PPWD1: variants seen among roughly 807,000 people sequenced by gnomAD.
The protein encoded by PPWD1 is peptidylprolyl isomerase domain and WD repeat-containing protein 1.
Under a neutral mutation model 68.8 loss-of-function variants are expected in PPWD1, and 43 were observed. The ratio of observed to expected loss-of-function variants is 0.62; its 90% confidence interval spans 0.49 to 0.81. PPWD1 has a LOEUF of 0.81. PPWD1 is among the 30% of genes least tolerant of loss of function. The probability of loss-of-function intolerance (pLI) is 0.00; values close to 1 mark genes in which losing one functional copy is unlikely to be tolerated. For synonymous variants in PPWD1, 232 were observed against 258.7 expected (o/e 0.90, Z 0.99); for missense variants, 672 against 804.8 (o/e 0.83, Z 2.00).
intron 1 of PPWD1, among the ~76,000 whole-genome samples, chr5:65,567,212 T>C (rs1157928526): frequency 2.6e-5 from 4 of 152,092 alleles, no homozygotes; most frequent in African/African-American, 9.7e-5. Context: ...TCTTTTTTTT[T>C]AATAGAACAT....
chr5:65,585,977 T>A lies in PPWD1; in HGVS notation c.1615-22T>A, dbSNP rs546299830. 25 of 1,608,326 alleles carry A rather than the reference T, an allele frequency of 1.6e-5. No homozygotes were observed. In the South Asian group the frequency reaches 2.7e-4, roughly 17 times the overall value. ...ATATATCGAAAAGGACAATGTAATG[T>A]TTTTGTGTACTTTCTGTTAAGGGCT... On this transcript the variant is annotated intron_variant, in intron 9 of 10. Transcript: ENST00000261308.
chr5:65,586,749 G>C (rs756335013), intron 10 of PPWD1, among the ~76,000 whole-genome samples: 74 of 152,258 alleles, frequency 4.9e-4, no homozygotes, highest in Non-Finnish European at 8.8e-4. Context: ...AGTATTCACA[G>C]TACTTCTACT....
rs1581137802 is a variant in PPWD1, at chr5:65,563,325, T to G, written c.15T>G (p.Ser5Arg). MAAESGSDFQQRRRR... is the reference protein window; with the variant it reads MAAERGSDFQQRRRR... ...ATGCGAACAACATGGCGGCGGAAAG[T>G]GGTAGCGATTTTCAGCAGAGACGTA... The change falls in exon 1 of 11, where the codon AGT becomes AGG. Residue 5 changes from serine to arginine, a missense_variant. Around this residue, in one of 2 missense-constraint regions of PPWD1, gnomAD observed 188 missense variants for 158.6 expected, o/e 1.19. Coordinates refer to ENST00000261308, the MANE Select transcript of PPWD1 (RefSeq NM_015342.4). 4 of 1,612,622 alleles carry G rather than the reference T, an allele frequency of 2.5e-6. No individual in the cohort carries two copies. Among genetic ancestry groups the G allele is most frequent in the African/African-American group, 2.7e-5 (2 of 74,728 alleles).
chr5:65,585,689 G>T (rs1753809062), intron 9 of PPWD1, among the ~76,000 whole-genome samples: 1 of 151,930 alleles, frequency 6.6e-6, no homozygotes, highest in Admixed American at 6.6e-5. Flanking sequence ...GAGAAGAGGA[G>T]GGCAATTATA....
rs1353193644 is a variant in PPWD1 at position 65,569,749 on chromosome 5, A to G, written c.400+17A>G. 1 of 1,601,176 alleles carries G rather than the reference A, an allele frequency of 6.2e-7. No homozygotes were observed. The highest frequency in any genetic ancestry group is 1.3e-5 in the African/African-American group (1 of 74,500). On this transcript the variant is annotated intron_variant, in intron 3 of 10. Transcript: ENST00000261308. ...GTCACCTGGGTAAGAATTGCACCTC[A>G]TTTTCTTGTAGCTCTTTCCTAAACT...
intron 5 of PPWD1, among the ~76,000 whole-genome samples, chr5:65,576,092 G>C (rs1396561016): frequency 7.0e-6 from 1 of 142,812 alleles, no homozygotes; most frequent in Non-Finnish European, 1.5e-5. Context: ...TTTTTTAAAA[G>C]AATGTAAGTT....
Position 65,584,590 on chromosome 5 carries a change from C to A in PPWD1, c.1533-424C>A, listed in dbSNP as rs147810009. On this transcript the variant is annotated intron_variant, in intron 8 of 10. Coordinates refer to ENST00000261308, the MANE Select transcript of PPWD1 (RefSeq NM_015342.4). The stretch of plus-strand genomic sequence containing the variant: ...TAAGATATTGGGCCAGGTACAGTGG[C>A]TCAGGCCTGTAATCTCAGCACTTTA... Among the ~76,000 whole-genome samples, 897 of 152,164 alleles carry A rather than the reference C, an allele frequency of 5.9e-3. 4 individuals are homozygous for A. Among genetic ancestry groups the A allele is most frequent in the African/African-American group, 0.021 (855 of 41,510 alleles).
intron 5 of PPWD1, among the ~76,000 whole-genome samples, chr5:65,574,448 C>CTTTTT (rs573705705): frequency 2.2e-5 from 2 of 91,974 alleles, no homozygotes; most frequent in African/African-American, 8.7e-5. Flanking sequence ...ACACAAATCT[C>CTTTTT]TTTTTTTTTT....
Position 65,587,267 on chromosome 5 carries a change from T to C in PPWD1, c.1812T>C (p.Asn604=). 6.2e-7 allele frequency: 1 copy of C among 1,608,414 alleles called. No homozygotes were observed. Among genetic ancestry groups the C allele is most frequent in the African/African-American group, 1.3e-5 (1 of 74,868 alleles). ...CTCCAACACAGCCTTGGCTTGATAA[T>C]AAGCATACAGTATTTGGACGAGTGA... ...ITVVPTPWLD[N]KHTVFGRVTK... The change falls in exon 11 of 11, where the codon AAT becomes AAC. Residue 604 remains asparagine (N), a synonymous_variant. Transcript: ENST00000261308.
Position 65,572,244 on chromosome 5 carries a change from T to G in PPWD1, c.927T>G (p.Phe309Leu), listed in dbSNP as rs1214622107. The change falls in exon 5 of 11, where the codon TTT becomes TTG. Residue 309 changes from phenylalanine to leucine, a missense_variant. Phe to Leu is a conservative substitution (Grantham distance 22). Around this residue, in one of 2 missense-constraint regions of PPWD1, gnomAD observed 484 missense variants for 646.2 expected, o/e 0.75. Coordinates refer to ENST00000261308, the MANE Select transcript of PPWD1 (RefSeq NM_015342.4). The stretch of plus-strand genomic sequence containing the variant: ...ATAGAAAAGTTAGAATTTTCAGATT[T>G]GTAACTGGAAAACTCATGAGAGTCT... ...GSDRKVRIFR[F>L]VTGKLMRVFD... 1 of 1,611,870 alleles carries G rather than the reference T, an allele frequency of 6.2e-7. No individual in the cohort carries two copies. The highest frequency in any genetic ancestry group is 8.5e-7 in the Non-Finnish European group (1 of 1,178,224).
At position 65,585,102 on chromosome 5, in the gene PPWD1, T is replaced by TA. The variant is rs745726193; in HGVS notation, c.1614+8dup. 6.3e-7 allele frequency: 1 copy of TA among 1,599,794 alleles called. No individual in the cohort carries two copies. The highest frequency in any genetic ancestry group is 8.6e-7 in the Non-Finnish European group (1 of 1,168,242). The stretch of plus-strand genomic sequence containing the variant: ...ATTTCACCGTATAATTAAGGTAAGT[T>TA]ACATAAATTTCATGTCATATAAGAA... On this transcript the variant is annotated splice_region_variant and intron_variant, in intron 9 of 10. Coordinates refer to ENST00000261308, the MANE Select transcript of PPWD1 (RefSeq NM_015342.4).
intron 9 of PPWD1, among the ~76,000 whole-genome samples, chr5:65,585,765 G>A (rs1404036025): frequency 6.6e-6 from 1 of 152,134 alleles, no homozygotes; most frequent in Admixed American, 6.6e-5. Context: ...TATTGAGAAA[G>A]ACAGAACATG....
intron 9 of PPWD1, 79 bp from the exon 10 acceptor site, chr5:65,585,920 A>C: frequency 1.3e-6 from 2 of 1,545,046 alleles, no homozygotes; most frequent in Non-Finnish European, 1.7e-6. Flanking sequence ...AATACAAAGC[A>C]CTCTTGGCAG....
intron 5 of PPWD1, chr5:65,576,251 G>T: frequency 2.3e-6 from 2 of 880,060 alleles, no homozygotes; most frequent in Non-Finnish European, 2.7e-6. Flanking sequence ...ATATTTCATT[G>T]GAAAGTGCTA....
intron 6 of PPWD1, among the ~76,000 whole-genome samples, chr5:65,578,736 A>ATATATATATACACACATATATGTG (rs1491368973): frequency 1.5e-4 from 12 of 79,858 alleles, no homozygotes; most frequent in African/African-American, 5.2e-4. Context: ...ATATATATAC[A>ATATATATATACACACATATATGTG]TATATATATA....
At chr5:65,564,127 AATT>A (rs1752523064) in intron 1 of PPWD1, among the ~76,000 whole-genome samples, 1 of 152,166 alleles carries the variant, frequency 6.6e-6, no homozygotes, top group South Asian at 2.1e-4. Flanking sequence ...AATAATCACA[AATT>A]ATTATCAAAT....
In PPWD1 at chr5:65,583,115, A is replaced by G. The variant is rs780938772; in HGVS notation, c.1428A>G (p.Glu476=). Residue 476 remains glutamate (E), a synonymous_variant, in exon 8 of 11, where the codon GAA becomes GAG. Coordinates refer to ENST00000261308, the MANE Select transcript of PPWD1 (RefSeq NM_015342.4). ...TTTTTAATGAGAAACCTTCTAAAGAAGAAGTCATGGCAGCTACTCAAGCTG... is the reference window on the plus strand; with the variant it reads ...TTTTTAATGAGAAACCTTCTAAAGAGGAAGTCATGGCAGCTACTCAAGCTG... ...RDVFNEKPSK[E]EVMAATQAEG... The G allele has an allele frequency of 2.4e-5, 38 of 1,613,544 alleles. No homozygotes were observed. The highest frequency in any genetic ancestry group is 3.1e-5 in the Non-Finnish European group (37 of 1,179,820).
rs1019347819 is a variant in PPWD1, at chr5:65,583,246, C to T, written c.1532+27C>T. The stretch of plus-strand genomic sequence containing the variant: ...TATGTATAACAACTGTTTTTATTGG[C>T]TTATGTAATTAAGAATGTAAATGTG... On this transcript the variant is annotated intron_variant, in intron 8 of 10. Coordinates refer to ENST00000261308, the MANE Select transcript of PPWD1 (RefSeq NM_015342.4). The T allele has an allele frequency of 3.4e-6, 5 of 1,464,438 alleles. No homozygotes were observed. The African/African-American group carries it at 7.1e-5, about 21-fold the overall frequency. 90.7% of individuals were successfully genotyped at this position (1,464,438 alleles called of 1,614,324 possible).
At chr5:65,584,127 CTTAT>C (rs1300603842) in intron 8 of PPWD1, among the ~76,000 whole-genome samples, 3 of 152,258 alleles carry the variant, frequency 2.0e-5, no homozygotes, top group Admixed American at 6.5e-5. Flanking sequence ...CTTAAAAGTT[CTTAT>C]TTATTAACAT....
Sources: allele counts gnomAD v4.1 joint callset (sites outside exome capture counted in the v4.1 genomes callset), GRCh38; gene constraint gnomAD v4.1.1; regional missense constraint gnomAD v4.1.1; transcripts MANE v1.5; gene names NCBI Gene and HGNC (gene_info 2026-07-23, HGNC 2026-07-21).